Variants in COX7A2L observed in about 807,000 individuals in gnomAD.
COX7A2L encodes cytochrome c oxidase subunit 7A2-like, mitochondrial.
A neutral mutation model predicts 14.2 loss-of-function variants in COX7A2L; 18 were observed. That is an observed-to-expected ratio of 1.27 (90% CI 0.88 to 1.88). The LOEUF (loss-of-function observed/expected upper bound fraction) is 1.88. COX7A2L is among the 40% of genes most tolerant of loss of function. COX7A2L has a pLI of 0.00. For synonymous variants in COX7A2L, 65 were observed against 57.4 expected, an observed-to-expected ratio of 1.13 and a Z score of -0.60; for missense variants, 179 against 138.8, an observed-to-expected ratio of 1.29 and a Z score of -1.46.
At chr2:42,343,403 C>T (rs962493211) in intron 2 of COX7A2L, among the ~76,000 whole-genome samples, 8 of 152,192 alleles carry the variant, frequency 5.3e-5, no homozygotes, top group African/African-American at 1.7e-4. Context: ...TGTGCTTCTG[C>T]GCACTAATTA....
At chr2:42,344,828 G>C (rs1281351951), downstream of COX7A2L, among the ~76,000 whole-genome samples, 1 of 151,620 alleles carries the variant, frequency 6.6e-6, no homozygotes, top group Non-Finnish European at 1.5e-5. Context: ...TCCAGCCTGG[G>C]TGACAAAGCA....
In COX7A2L at chr2:42,353,345, T is replaced by A. The variant is rs1277695726; in HGVS notation, c.73-2A>T. 1 of 1,611,850 alleles carries A rather than the reference T, an allele frequency of 6.2e-7. No homozygotes were observed. The highest frequency in any genetic ancestry group is 1.3e-5 in the African/African-American group (1 of 74,724). On this transcript the variant is annotated splice_acceptor_variant, in intron 1 of 2. Transcript: ENST00000234301. LOFTEE classifies it high-confidence loss of function. ...TGTGGAAACCACAGGCTTTAATCCC[T>A]GTAGAGAAAAAAAGGAAAATGGCAA...
intron 1 of COX7A2L, among the ~76,000 whole-genome samples, chr2:42,367,484 AG>A (rs1671187698): frequency 1.3e-5 from 2 of 152,178 alleles, no homozygotes; most frequent in East Asian, 3.8e-4. Context: ...AAACCTATAA[AG>A]AAAAAAAAAG....
At chr2:42,357,580 G>C (rs1366543092) in intron 1 of COX7A2L, among the ~76,000 whole-genome samples, 1 of 151,912 alleles carries the variant, frequency 6.6e-6, no homozygotes, top group Non-Finnish European at 1.5e-5. Context: ...CGGAAACACT[G>C]GGATTACCAG....
rs779493409 is a variant in COX7A2L, at chr2:42,343,361, G to A, written c.193-9492C>T. ...CACCCTGAAAATGACCCTAAGCATG[G>A]TTCATCTCTGAGGCTCCAGCACCTA... On this transcript the variant is annotated intron_variant, in intron 2 of 2. Coordinates refer to the COX7A2L transcript ENST00000468711. 5.8e-4 allele frequency among the ~76,000 whole-genome samples: 88 copies of A among 152,202 alleles called. 1 individual carries two copies. Among genetic ancestry groups the A allele is most frequent in the Admixed American group, 2.6e-4 (4 of 15,282 alleles).
downstream of COX7A2L, among the ~76,000 whole-genome samples, chr2:42,346,919 A>C (rs1169597014): frequency 6.6e-6 from 1 of 151,800 alleles, no homozygotes; most frequent in Non-Finnish European, 1.5e-5. Flanking sequence ...CTTTTTTTTA[A>C]AAATTCTTTA....
In COX7A2L at chr2:42,339,436, C is replaced by T. The variant is rs765525074; in HGVS notation, c.193-5567G>A. On this transcript the variant is annotated intron_variant, in intron 2 of 2. Transcript: ENST00000468711. This position sits in a 1 kb window ranked among gnomAD's most constrained non-coding sequence, Gnocchi z 5.4. ...GACTGCGGGGCAGCCTCCAAGGCCA[C>T]AGGCGTTACTCCTGCCTCTACAGAG... is the stretch of plus-strand genomic sequence containing the variant. 6.6e-6 allele frequency among the ~76,000 whole-genome samples: 1 copy of T among 152,160 alleles called. No homozygotes were observed. The highest frequency in any genetic ancestry group is 1.5e-5 in the Non-Finnish European group (1 of 68,030).
upstream of COX7A2L, among the ~76,000 whole-genome samples, chr2:42,363,129 A>G (rs755501397): frequency 2.4e-4 from 36 of 152,094 alleles, no homozygotes; most frequent in Non-Finnish European, 3.8e-4. Context: ...GCCAAACTCA[A>G]GACTCCCAAA....
chr2:42,337,127 T>G (rs1410657165), intron 2 of COX7A2L, among the ~76,000 whole-genome samples: 1 of 152,212 alleles, frequency 6.6e-6, no homozygotes, highest in African/African-American at 2.4e-5. Context: ...TAAGGAATCT[T>G]GGATTACTCA....
Position 42,339,260 on chromosome 2 carries a change from C to T in COX7A2L, c.193-5391G>A, listed in dbSNP as rs1423518481. Among the ~76,000 whole-genome samples the T allele has an allele frequency of 6.6e-6, 1 of 152,186 alleles. No individual in the cohort carries two copies. ...GAGGGCACTCAGGAAACCACAGACG[C>T]GGCCGTTGGCACCACCAGGAGCTGA... On this transcript the variant is annotated intron_variant, in intron 2 of 2. Coordinates refer to the COX7A2L transcript ENST00000468711. The surrounding 1 kb of genome is among the most constrained non-coding windows in gnomAD (Gnocchi z 5.4).
chr2:42,352,632 T>A (rs765123759), intron 2 of COX7A2L, among the ~76,000 whole-genome samples: 8 of 152,180 alleles, frequency 5.3e-5, no homozygotes, highest in African/African-American at 9.7e-5. Flanking sequence ...CTTACAGCAA[T>A]AGCAGTAGCA....
chr2:42,361,408 C>T (rs1671046792), upstream of COX7A2L: 1 of 459,248 alleles, frequency 2.2e-6, no homozygotes, highest in East Asian at 4.1e-5. Flanking sequence ...GTGGCGGAGT[C>T]TGTAGGAAAT....
At chr2:42,343,718 A>G (rs1410681202) in intron 2 of COX7A2L, among the ~76,000 whole-genome samples, 1 of 152,262 alleles carries the variant, frequency 6.6e-6, no homozygotes, top group Non-Finnish European at 1.5e-5. Flanking sequence ...AATGGGACAG[A>G]AAGTGAGAGG....
At chr2:42,351,687 G>A (rs548093151) in intron 2 of COX7A2L, among the ~76,000 whole-genome samples, 26 of 152,324 alleles carry the variant, frequency 1.7e-4, no homozygotes, top group African/African-American at 6.3e-4. Flanking sequence ...AGTGCAGGCA[G>A]GAGAGGCTGG....
chr2:42,367,626 G>GGGCACT (rs1671191418), intron 1 of COX7A2L, among the ~76,000 whole-genome samples: 1 of 152,228 alleles, frequency 6.6e-6, no homozygotes, highest in African/African-American at 2.4e-5. Flanking sequence ...CCAAGTCAAG[G>GGGCACT]GGCACTGGCC....
chr2:42,365,225 G>T (rs151272626), upstream of COX7A2L, among the ~76,000 whole-genome samples: 346 of 152,264 alleles, frequency 2.3e-3, 3 homozygotes, highest in African/African-American at 7.9e-3. Context: ...GACGGGTGGT[G>T]GTTTCTCATC....
chr2:42,336,665 G>C (rs1159718815), intron 2 of COX7A2L, among the ~76,000 whole-genome samples: 2 of 152,158 alleles, frequency 1.3e-5, no homozygotes, highest in Admixed American at 6.5e-5. Flanking sequence ...GTTAGAAGCA[G>C]GGAAACCAGA....
chr2:42,345,650 C>G (rs1670481365), downstream of COX7A2L, among the ~76,000 whole-genome samples: 1 of 152,168 alleles, frequency 6.6e-6, no homozygotes, highest in Admixed American at 6.5e-5. Context: ...CATACAGGAC[C>G]CCCTTAAGCC....
At position 42,339,417 on chromosome 2, in the gene COX7A2L, G is replaced by A. The variant is rs542245128; in HGVS notation, c.193-5548C>T. On this transcript the variant is annotated intron_variant, in intron 2 of 2. Coordinates refer to the COX7A2L transcript ENST00000468711. This position sits in a 1 kb window ranked among gnomAD's most constrained non-coding sequence, Gnocchi z 5.4. Reference sequence around the variant, plus strand: ...ACTAGTGGTGAACCAAGAGGACTGCGGGGCAGCCTCCAAGGCCACAGGCGT... The same window carrying A: ...ACTAGTGGTGAACCAAGAGGACTGCAGGGCAGCCTCCAAGGCCACAGGCGT... Among the ~76,000 whole-genome samples the A allele has an allele frequency of 2.0e-5, 3 of 152,242 alleles. No homozygotes were observed. Among genetic ancestry groups the A allele is most frequent in the Admixed American group, 1.3e-4 (2 of 15,286 alleles).
Sources: gnomAD v4.1 joint callset for allele counts (sites outside exome capture counted in the v4.1 genomes callset) on GRCh38, gnomAD v4.1.1 for gene constraint, Gnocchi (gnomAD v3.1) non-coding constraint, MANE v1.5 for transcripts, NCBI Gene and HGNC (gene_info 2026-07-23, HGNC 2026-07-21) for gene names.